Variants in EYS observed in about 807,000 individuals in gnomAD.
The protein encoded by EYS is protein eyes shut homolog.
In EYS, 250 loss-of-function variants were observed where a neutral mutation model predicts 282.1. The observed-to-expected ratio is 0.89, with a 90% CI of 0.80 to 0.98. EYS has a LOEUF of 0.98. Ranked by LOEUF, EYS falls within the 50% of genes least tolerant of loss-of-function variation. The probability of loss-of-function intolerance (pLI) is 0.00; values close to 1 mark genes in which losing one functional copy is unlikely to be tolerated. For synonymous variants in EYS, 1,355 were observed against 1,282.9 expected (o/e 1.06, Z -1.20); for missense variants, 4,016 against 3,709.0 (o/e 1.08, Z -2.15).
At chr6:64,901,489 C>A (rs1767662227) in intron 18 of EYS, among the ~76,000 whole-genome samples, 1 of 151,520 alleles carries the variant, frequency 6.6e-6, no homozygotes, top group Non-Finnish European at 1.5e-5. Flanking sequence ...AACATTTATT[C>A]CCTGCTAATA....
chr6:64,979,953 C>G (rs575246133), intron 14 of EYS, among the ~76,000 whole-genome samples: 118 of 151,454 alleles, frequency 7.8e-4, no homozygotes, highest in Non-Finnish European at 1.3e-3. Flanking sequence ...GGGATGTCAC[C>G]ACAATAAGTG....
intron 26 of EYS, among the ~76,000 whole-genome samples, chr6:64,482,226 G>T (rs964302812): frequency 6.6e-6 from 1 of 151,644 alleles, no homozygotes; most frequent in Non-Finnish European, 1.5e-5. Context: ...AACTTAGCCT[G>T]TCCATTCCTG....
intron 2 of EYS, among the ~76,000 whole-genome samples, chr6:65,542,274 T>C (rs1047889826): frequency 3.3e-5 from 5 of 152,188 alleles, no homozygotes; most frequent in Non-Finnish European, 7.4e-5. Flanking sequence ...AGTAGGCATC[T>C]ATCTTCCAAT....
At chr6:65,705,726 C>T (rs1003504638) in intron 1 of EYS, among the ~76,000 whole-genome samples, 2 of 152,038 alleles carry the variant, frequency 1.3e-5, no homozygotes, top group African/African-American at 4.8e-5. Context: ...TGAGTATAGT[C>T]AGGATTAAAT....
At chr6:65,275,726 GT>G (rs1411459463) in intron 12 of EYS, among the ~76,000 whole-genome samples, 1 of 152,158 alleles carries the variant, frequency 6.6e-6, no homozygotes, top group Non-Finnish European at 1.5e-5. Flanking sequence ...TGGGAAAGAA[GT>G]TTGTAGATAG....
intron 1 of EYS, among the ~76,000 whole-genome samples, chr6:65,655,712 G>C (rs1844528): frequency 0.35 from 53,518 of 151,638 alleles, 11,925 homozygotes; most frequent in Non-Finnish European, 0.49. Flanking sequence ...TGTCCAGCAA[G>C]ATGTGACTGA....
intron 22 of EYS, among the ~76,000 whole-genome samples, chr6:64,767,308 G>C (rs765038394): frequency 1.2e-4 from 18 of 151,994 alleles, no homozygotes; most frequent in Non-Finnish European, 2.5e-4. Flanking sequence ...CTAGTTGAAA[G>C]TATATAAGAT....
chr6:65,190,730 C>A (rs1765622460), intron 12 of EYS, among the ~76,000 whole-genome samples: 1 of 151,646 alleles, frequency 6.6e-6, no homozygotes, highest in African/African-American at 2.4e-5. Flanking sequence ...TCTTTTAATC[C>A]AAAGTGTTCC....
At chr6:64,213,521 T>C (rs4397206) in intron 31 of EYS, among the ~76,000 whole-genome samples, 47,438 of 152,038 alleles carry the variant, frequency 0.31, 7,454 homozygotes, top group East Asian at 0.5. Flanking sequence ...TATTTGTCAA[T>C]TAATGTAAAA....
intron 26 of EYS, among the ~76,000 whole-genome samples, chr6:64,569,879 G>A (rs972098754): frequency 6.6e-6 from 1 of 150,412 alleles, no homozygotes; most frequent in African/African-American, 2.5e-5. Flanking sequence ...CACTCTTCGG[G>A]ATATTATCCA....
At chr6:65,134,956 A>G (rs1775981998) in intron 12 of EYS, among the ~76,000 whole-genome samples, 1 of 152,032 alleles carries the variant, frequency 6.6e-6, no homozygotes, top group African/African-American at 2.4e-5. Flanking sequence ...CTGTGATCAT[A>G]TGAGTGAGTG....
chr6:64,309,561 C>T (rs1438928080), intron 29 of EYS, among the ~76,000 whole-genome samples: 1 of 144,190 alleles, frequency 6.9e-6, no homozygotes, highest in Non-Finnish European at 1.5e-5. Flanking sequence ...TAAATTCCCA[C>T]TTTTTTTTTC....
At chr6:64,804,827 G>A (rs1399240634) in intron 22 of EYS, among the ~76,000 whole-genome samples, 2 of 151,918 alleles carry the variant, frequency 1.3e-5, no homozygotes, top group African/African-American at 4.8e-5. Context: ...TTTGTGATTG[G>A]AGACTAAAAC....
At chr6:65,592,127 C>T (rs140684284) in intron 2 of EYS, among the ~76,000 whole-genome samples, 261 of 151,970 alleles carry the variant, frequency 1.7e-3, no homozygotes, top group Middle Eastern at 6.8e-3. Context: ...TTTTTCAAAA[C>T]ACATTTCTAT....
chr6:64,909,875 C>G (rs1267842217), intron 16 of EYS, among the ~76,000 whole-genome samples: 1 of 152,108 alleles, frequency 6.6e-6, no homozygotes, highest in East Asian at 1.9e-4. Context: ...ATCAGTTATT[C>G]TACTTGCTGG....
At chr6:64,073,845 C>T (rs534952745) in intron 32 of EYS, among the ~76,000 whole-genome samples, 2 of 151,554 alleles carry the variant, frequency 1.3e-5, no homozygotes, top group Non-Finnish European at 3.0e-5. Flanking sequence ...AACATTTCCC[C>T]CATAATGTTC....
At chr6:64,007,518 C>T (rs1768408206) in intron 33 of EYS, among the ~76,000 whole-genome samples, 2 of 151,464 alleles carry the variant, frequency 1.3e-5, no homozygotes, top group Non-Finnish European at 2.9e-5. Context: ...TTGATTATTT[C>T]TTGTCTTCTG....
At chr6:64,654,158 C>T (rs1391481489) in intron 22 of EYS, among the ~76,000 whole-genome samples, 1 of 152,078 alleles carries the variant, frequency 6.6e-6, no homozygotes, top group Non-Finnish European at 1.5e-5. Flanking sequence ...TTGGAAACAG[C>T]AGTTTTCTGT....
intron 22 of EYS, among the ~76,000 whole-genome samples, chr6:64,743,892 C>T (rs6934929): frequency 0.88 from 133,814 of 152,104 alleles, 58,972 homozygotes; most frequent in African/African-American, 0.93. Flanking sequence ...AGATGAAATA[C>T]AAGTGGCTAT....
Sources: gnomAD v4.1 joint callset for allele counts (sites outside exome capture counted in the v4.1 genomes callset) on GRCh38, gnomAD v4.1.1 for gene constraint, MANE v1.5 for transcripts, NCBI Gene and HGNC (gene_info 2026-07-23, HGNC 2026-07-21) for gene names.